The following CSTPP1 variants were observed in gnomAD, a reference collection of about 807,000 sequenced individuals.
CSTPP1 encodes the protein UPF0705 protein C11orf49.
chr11:47,063,228 A>G, the CSTPP1 span, among the ~76,000 whole-genome samples: 2 of 152,266 alleles, frequency 1.3e-5, no homozygotes, highest in South Asian at 2.1e-4. Context: ...GGTCTTAAAT[A>G]TATATATATG....
the CSTPP1 span, among the ~76,000 whole-genome samples, chr11:47,066,358 G>A: frequency 6.6e-6 from 1 of 151,806 alleles, no homozygotes; most frequent in Non-Finnish European, 1.5e-5. Flanking sequence ...GATTTTCTCT[G>A]GGTACTCCAG....
the CSTPP1 span, among the ~76,000 whole-genome samples, chr11:47,135,017 G>A: frequency 6.6e-6 from 1 of 152,064 alleles, no homozygotes; most frequent in East Asian, 1.9e-4. Flanking sequence ...GCTGAGATGG[G>A]AGGATCACTT....
the CSTPP1 span, chr11:47,161,838 T>C: frequency 7.3e-7 from 1 of 1,379,028 alleles, no homozygotes; most frequent in East Asian, 2.8e-5. Context: ...CTGCTCTCCC[T>C]GGCCCTATCA....
the CSTPP1 span, among the ~76,000 whole-genome samples, chr11:47,008,527 G>T: frequency 6.6e-6 from 1 of 151,796 alleles, no homozygotes; most frequent in South Asian, 2.1e-4. Flanking sequence ...TTTTTGTAAA[G>T]ATTTGGTCTT....
chr11:47,148,919 C>G, the CSTPP1 span, among the ~76,000 whole-genome samples: 2 of 152,238 alleles, frequency 1.3e-5, no homozygotes, highest in East Asian at 3.9e-4. Context: ...CGGTGCAGCC[C>G]GTGCCACTAG....
the CSTPP1 span, among the ~76,000 whole-genome samples, chr11:47,136,181 T>C: frequency 6.6e-6 from 1 of 152,228 alleles, no homozygotes; most frequent in Non-Finnish European, 1.5e-5. Context: ...ATTTACTCCC[T>C]GCCCTGCCAG....
At chr11:47,137,763 T>C in the CSTPP1 span, 300 of 1,595,094 alleles carry the variant, frequency 1.9e-4, no homozygotes, top group Middle Eastern at 6.6e-4. Context: ...CCAACTCAGC[T>C]CTCTGTGGGC....
At chr11:46,973,948 G>A in the CSTPP1 span, among the ~76,000 whole-genome samples, 1 of 152,184 alleles carries the variant, frequency 6.6e-6, no homozygotes, top group Non-Finnish European at 1.5e-5. Flanking sequence ...GTTTTGGCCA[G>A]TCATGGTGGC....
the CSTPP1 span, among the ~76,000 whole-genome samples, chr11:47,087,304 T>C: frequency 6.1e-4 from 93 of 152,392 alleles, 2 homozygotes; most frequent in South Asian, 0.019. Context: ...GTCATGGATC[T>C]ATCACTACTA....
the CSTPP1 span, among the ~76,000 whole-genome samples, chr11:47,118,446 C>T: frequency 6.6e-6 from 1 of 152,200 alleles, no homozygotes; most frequent in South Asian, 2.1e-4. Flanking sequence ...CTGACGCCTA[C>T]TTCTGTCAAC....
chr11:47,104,623 A>G, the CSTPP1 span, among the ~76,000 whole-genome samples: 1 of 152,188 alleles, frequency 6.6e-6, no homozygotes, highest in African/African-American at 2.4e-5. Flanking sequence ...ATTCATTAGC[A>G]TATGAGAAGA....
the CSTPP1 span, chr11:46,936,876 G>A: frequency 1.9e-6 from 3 of 1,555,642 alleles, no homozygotes; most frequent in Non-Finnish European, 2.6e-6. Context: ...TAACTTTGGG[G>A]AGGGAAAGAC....
At chr11:47,092,355 G>A in the CSTPP1 span, among the ~76,000 whole-genome samples, 1 of 152,038 alleles carries the variant, frequency 6.6e-6, no homozygotes, top group Non-Finnish European at 1.5e-5. Flanking sequence ...CCACCATAAC[G>A]AGAGTCACAC....
chr11:46,983,269 T>C, the CSTPP1 span, among the ~76,000 whole-genome samples: 9 of 152,226 alleles, frequency 5.9e-5, no homozygotes, highest in Non-Finnish European at 1.0e-4. Flanking sequence ...AAGAAGTTTC[T>C]GATCCACAAT....
chr11:47,082,526 T>C, the CSTPP1 span, among the ~76,000 whole-genome samples: 1 of 152,230 alleles, frequency 6.6e-6, no homozygotes, highest in Admixed American at 6.5e-5. Flanking sequence ...AGTGGTTCTT[T>C]AAAAATTATT....
chr11:47,021,079 GC>G, the CSTPP1 span, among the ~76,000 whole-genome samples: 1 of 152,148 alleles, frequency 6.6e-6, no homozygotes, highest in African/African-American at 2.4e-5. Flanking sequence ...ATCATTTCTG[GC>G]AAGAGCTTAC....
the CSTPP1 span, among the ~76,000 whole-genome samples, chr11:47,078,738 G>C: frequency 4.5e-4 from 69 of 152,330 alleles, no homozygotes; most frequent in African/African-American, 1.5e-3. Flanking sequence ...GGTGGCTTCA[G>C]TCTTCTCAAG....
At chr11:46,996,314 T>TA in the CSTPP1 span, among the ~76,000 whole-genome samples, 34 of 151,754 alleles carry the variant, frequency 2.2e-4, no homozygotes, top group South Asian at 1.5e-3. Context: ...TATTTTATTT[T>TA]TTTTTTTGAG....
chr11:46,990,391 A>G, the CSTPP1 span, among the ~76,000 whole-genome samples: 1 of 152,174 alleles, frequency 6.6e-6, no homozygotes, highest in Non-Finnish European at 1.5e-5. Context: ...TTCTCTGATG[A>G]TGAGTGATAA....
Sources: allele counts gnomAD v4.1 joint callset (sites outside exome capture counted in the v4.1 genomes callset), GRCh38; gene constraint gnomAD v4.1.1; transcripts MANE v1.5; gene names NCBI Gene and HGNC (gene_info 2026-07-23, HGNC 2026-07-21).